CATSPERE: variants seen among roughly 807,000 people sequenced by gnomAD.
CATSPERE encodes the protein catsper channel auxiliary subunit epsilon.
CATSPERE carries 93 observed loss-of-function variants against 114.1 expected under a neutral mutation model. The observed-to-expected ratio is 0.81, with a 90% CI of 0.69 to 0.97. The LOEUF (loss-of-function observed/expected upper bound fraction) is 0.97, where lower values mean the gene tolerates loss of function less well. Among genes scored for constraint, CATSPERE ranks in the 50% least tolerant of loss-of-function variants. The probability of loss-of-function intolerance (pLI) is 0.00; values close to 1 mark genes in which losing one functional copy is unlikely to be tolerated. For missense variants in CATSPERE, 1,058 were observed against 1,131.6 expected (o/e 0.93, Z 0.93); for synonymous variants, 341 against 384.1 (o/e 0.89, Z 1.31).
intron 20 of CATSPERE, among the ~76,000 whole-genome samples, chr1:244,625,428 A>ATTTTTTTTTTTTTTTTTTTTTT (rs1234328450): frequency 2.7e-4 from 1 of 3,744 alleles, no homozygotes; most frequent in Non-Finnish European, 6.8e-4. Flanking sequence ...ATATATATAT[A>ATTTTTTTTTTTTTTTTTTTTTT]TATATTTTTT....
At chr1:244,532,867 G>C (rs1270364522) in intron 8 of CATSPERE, among the ~76,000 whole-genome samples, 2 of 152,044 alleles carry the variant, frequency 1.3e-5, no homozygotes, top group Non-Finnish European at 2.9e-5. Flanking sequence ...GTATCTCTTA[G>C]GTCCATTTGG....
chr1:244,506,818 T>G (rs1674897498), intron 7 of CATSPERE, among the ~76,000 whole-genome samples: 1 of 152,128 alleles, frequency 6.6e-6, no homozygotes, highest in South Asian at 2.1e-4. Flanking sequence ...CAATAAATGA[T>G]TAAGCTTCAC....
intron 7 of CATSPERE, among the ~76,000 whole-genome samples, chr1:244,509,053 CT>C (rs141750925): frequency 7.1e-4 from 104 of 147,040 alleles, no homozygotes; most frequent in Non-Finnish European, 1.3e-3. Context: ...AACCTTGATC[CT>C]TTTTTTTTTC....
chr1:244,480,049 G>A (rs1295944394), intron 5 of CATSPERE, among the ~76,000 whole-genome samples: 1 of 152,168 alleles, frequency 6.6e-6, no homozygotes, highest in African/African-American at 2.4e-5. Flanking sequence ...CCACACAAAT[G>A]TAAGTCTTTA....
At chr1:244,559,168 C>T (rs1662162068) in intron 9 of CATSPERE, among the ~76,000 whole-genome samples, 1 of 152,128 alleles carries the variant, frequency 6.6e-6, no homozygotes, top group Non-Finnish European at 1.5e-5. Context: ...ATGACGTGTT[C>T]CTCTTCCCAT....
Position 244,526,478 on chromosome 1 carries a change from G to T in CATSPERE, c.536+7780G>T, listed in dbSNP as rs77212924. 5.7e-3 allele frequency among the ~76,000 whole-genome samples: 860 copies of T among 151,892 alleles called. 9 individuals carry two copies. The highest frequency in any genetic ancestry group is 0.019 in the African/African-American group (776 of 41,454). ...TTGTATATCTCATTGGCCACAGTGG[G>T]TTATATGGCCAATTCTAGCTACAAG... is the stretch of plus-strand genomic sequence containing the variant. On this transcript the variant is annotated intron_variant, in intron 8 of 21. Coordinates refer to ENST00000366534, the MANE Select transcript of CATSPERE (RefSeq NM_001130957.2).
chr1:244,588,707 A>G (rs1373824941), intron 14 of CATSPERE, among the ~76,000 whole-genome samples, 173 bp downstream of exon 14: 1 of 152,252 alleles, frequency 6.6e-6, no homozygotes. Context: ...GCCAAGTTAA[A>G]TACTACATTT....
intron 6 of CATSPERE, among the ~76,000 whole-genome samples, chr1:244,493,109 T>C (rs949682104): frequency 2.0e-5 from 3 of 151,686 alleles, no homozygotes; most frequent in African/African-American, 7.3e-5. Context: ...AAAGTTCATA[T>C]GGAACCAAAA....
Position 244,639,800 on chromosome 1 carries a change from G to A in CATSPERE, c.2703-128G>A, listed in dbSNP as rs557377774. ...GGTAAACACTGTGAGGGTGGACAGT[G>A]TGTCTTATTCACCTTTGCTCTCTGT... is the stretch of plus-strand genomic sequence containing the variant. On this transcript the variant is annotated intron_variant, in intron 21 of 21. Coordinates refer to ENST00000366534, the MANE Select transcript of CATSPERE (RefSeq NM_001130957.2). 8.7e-6 allele frequency: 7 copies of A among 805,472 alleles called. No individual in the cohort carries two copies. In the African/African-American group the frequency reaches 1.0e-4, roughly 12 times the overall value. 49.9% of individuals were successfully genotyped at this position (805,472 alleles called of 1,614,324 possible).
rs187179279 is a variant in CATSPERE, at chr1:244,489,806, T to C, written c.327-641T>C. ...CCTGAGTTGCTTTAAGATTAGCCTT[T>C]GGAATTCTCAAGCAAACACGTAGTT... On this transcript the variant is annotated intron_variant, in intron 5 of 21. Coordinates refer to ENST00000366534, the MANE Select transcript of CATSPERE (RefSeq NM_001130957.2). 7.8e-3 allele frequency among the ~76,000 whole-genome samples: 1,182 copies of C among 152,012 alleles called. 20 individuals are homozygous for C. Among genetic ancestry groups the C allele is most frequent in the African/African-American group, 0.027 (1,125 of 41,432 alleles).
At chr1:244,467,868 G>C (rs180676961) in intron 2 of CATSPERE, among the ~76,000 whole-genome samples, 1 of 152,256 alleles carries the variant, frequency 6.6e-6, no homozygotes, top group Non-Finnish European at 1.5e-5. Flanking sequence ...AACACATTCT[G>C]TATAAACTTT....
At chr1:244,476,438 T>C (rs990378236) in intron 2 of CATSPERE, among the ~76,000 whole-genome samples, 3 of 152,206 alleles carry the variant, frequency 2.0e-5, no homozygotes, top group Admixed American at 6.5e-5. Flanking sequence ...CCACTATATT[T>C]ATGGCTTTTG....
chr1:244,524,269 A>G (rs1406680414), intron 8 of CATSPERE, among the ~76,000 whole-genome samples: 1 of 150,016 alleles, frequency 6.7e-6, no homozygotes, highest in Non-Finnish European at 1.5e-5. Flanking sequence ...TGGTGCTGGG[A>G]AAACTGGCTA....
rs1434837740 is a variant in CATSPERE, at chr1:244,499,170, A to T, written c.429+91A>T. 3 of 917,434 alleles carry T rather than the reference A, an allele frequency of 3.3e-6. No homozygotes were observed. The East Asian group carries it at 7.7e-5, about 24-fold the overall frequency. 56.8% of individuals were successfully genotyped at this position (917,434 alleles called of 1,614,324 possible). The stretch of plus-strand genomic sequence containing the variant: ...GAAAAATTTATAATCAATAGACAGG[A>T]TTTTAAGCTGCCCACACCTAACTAA... On this transcript the variant is annotated intron_variant, in intron 7 of 21. Transcript: ENST00000366534.
chr1:244,572,217 T>C (rs1664565572), intron 10 of CATSPERE, 113 bp from the exon 11 acceptor site: 1 of 644,732 alleles, frequency 1.6e-6, no homozygotes. Flanking sequence ...TTTCTCAAAG[T>C]ATGAAAATAC....
chr1:244,606,688 A>G (rs554182018), intron 18 of CATSPERE, among the ~76,000 whole-genome samples: 1 of 141,416 alleles, frequency 7.1e-6, no homozygotes, highest in East Asian at 2.1e-4. Flanking sequence ...TGCAACCTCC[A>G]CCTCCTGGGC....
intron 9 of CATSPERE, among the ~76,000 whole-genome samples, chr1:244,557,562 T>A (rs1369865235): frequency 3.6e-5 from 3 of 82,510 alleles, no homozygotes; most frequent in Non-Finnish European, 6.9e-5. Flanking sequence ...TATATATATA[T>A]ATATATATAT....
chr1:244,460,669 T>C (rs1666604980), upstream of CATSPERE, among the ~76,000 whole-genome samples: 3 of 152,216 alleles, frequency 2.0e-5, no homozygotes, highest in African/African-American at 7.2e-5. Context: ...ATCCCAGCAC[T>C]TTGGGAGGCT....
At chr1:244,600,204 T>G (rs1169998862) in intron 17 of CATSPERE, among the ~76,000 whole-genome samples, 1 of 152,070 alleles carries the variant, frequency 6.6e-6, no homozygotes, top group Admixed American at 6.5e-5. Context: ...AAGAGAGAAC[T>G]GAAAGTTAGA....
Sources: allele counts gnomAD v4.1 joint callset (sites outside exome capture counted in the v4.1 genomes callset), GRCh38; gene constraint gnomAD v4.1.1; transcripts MANE v1.5; gene names NCBI Gene and HGNC (gene_info 2026-07-23, HGNC 2026-07-21).